ST3GAL3: variants seen among roughly 807,000 people sequenced by gnomAD.
ST3GAL3 encodes the protein CMP-N-acetylneuraminate-beta-1,4-galactoside alpha-2,3-sialyltransferase.
A neutral mutation model predicts 50.1 loss-of-function variants in ST3GAL3; 21 were observed. The ratio of observed to expected loss-of-function variants is 0.42; its 90% CI spans 0.30 to 0.60. The LOEUF (loss-of-function observed/expected upper bound fraction) is 0.60, where lower values mean the gene tolerates loss of function less well. Ranked by LOEUF, ST3GAL3 falls within the 20% of genes least tolerant of loss-of-function variation. ST3GAL3 has a pLI of 0.19. For missense variants in ST3GAL3, 353 were observed against 489.4 expected, an observed-to-expected ratio of 0.72 and a Z score of 2.63; for synonymous variants, 183 against 190.0, an observed-to-expected ratio of 0.96 and a Z score of 0.30.
At chr1:43,868,179 G>A (rs1347397210) in intron 5 of ST3GAL3, among the ~76,000 whole-genome samples, 3 of 152,196 alleles carry the variant, frequency 2.0e-5, no homozygotes, top group Admixed American at 6.5e-5. Context: ...GTATGTGGTC[G>A]TGAAAAATGT....
At chr1:43,895,308 T>C (rs1280331556) in intron 6 of ST3GAL3, among the ~76,000 whole-genome samples, 2 of 152,226 alleles carry the variant, frequency 1.3e-5, no homozygotes, top group South Asian at 2.1e-4. Context: ...TTCCATTGCC[T>C]TGGGGACCTC....
chr1:43,830,589 A>C (rs953993625), intron 4 of ST3GAL3, among the ~76,000 whole-genome samples: 3 of 152,334 alleles, frequency 2.0e-5, no homozygotes, highest in Admixed American at 1.3e-4. Context: ...GGAAATCATG[A>C]TAGTGACCTC....
Position 43,889,234 on chromosome 1 carries a change from G to A in ST3GAL3, c.303-5149G>A, listed in dbSNP as rs951450766. On this transcript the variant is annotated intron_variant, in intron 5 of 11. Transcript: ENST00000347631. Reference sequence around the variant, plus strand: ...CACACACACACACACACACACACACGTTTCATTTATTTACTTATATCAAGA... The same window carrying A: ...CACACACACACACACACACACACACATTTCATTTATTTACTTATATCAAGA... 1.0e-3 allele frequency among the ~76,000 whole-genome samples: 94 copies of A among 91,892 alleles called. 1 individual carries two copies. Among genetic ancestry groups the A allele is most frequent in the Admixed American group, 2.0e-3 (18 of 9,228 alleles). 60.3% of individuals were successfully genotyped at this position (91,892 alleles called of 152,430 possible). A position where few individuals can be genotyped will look rare whatever the true frequency, so the allele number is the denominator to read the frequency against.
intron 5 of ST3GAL3, among the ~76,000 whole-genome samples, chr1:43,868,843 C>A (rs2071956145): frequency 6.6e-6 from 1 of 151,978 alleles, no homozygotes; most frequent in South Asian, 2.1e-4. Flanking sequence ...GAAGAGACAC[C>A]CGAGATGGAA....
intron 9 of ST3GAL3, among the ~76,000 whole-genome samples, chr1:43,917,267 C>G (rs2081964194): frequency 6.7e-6 from 1 of 150,038 alleles, no homozygotes; most frequent in Admixed American, 6.7e-5. Context: ...TGTGCATTTC[C>G]TTGTCATTAG....
At chr1:43,851,285 C>A (rs1358506147) in intron 5 of ST3GAL3, 2 of 1,578,564 alleles carry the variant, frequency 1.3e-6, no homozygotes, top group Non-Finnish European at 1.7e-6. Flanking sequence ...TGTCATGAAC[C>A]CGTGGGTCAG....
At chr1:43,718,482 C>T (rs940620592) in intron 1 of ST3GAL3, among the ~76,000 whole-genome samples, 2 of 151,842 alleles carry the variant, frequency 1.3e-5, no homozygotes, top group Admixed American at 6.6e-5. Context: ...AGCCACTGCG[C>T]CTGTCTATCA....
At position 43,783,031 on chromosome 1, in the gene ST3GAL3, G is replaced by A. The variant is rs187350518; in HGVS notation, c.119-9071G>A. 9.9e-5 allele frequency among the ~76,000 whole-genome samples: 15 copies of A among 150,778 alleles called. No individual in the cohort carries two copies. The East Asian group carries it at 2.7e-3, about 27-fold the overall frequency. ...GCTTTCCTAAAATCTGAACACTTTG[G>A]GATTCTAATACTATCTAGTTTGAGG... On this transcript the variant is annotated intron_variant, in intron 2 of 11. Coordinates refer to ENST00000347631, the MANE Select transcript of ST3GAL3 (RefSeq NM_006279.5).
chr1:43,755,074 T>C (rs1247439057), intron 2 of ST3GAL3, among the ~76,000 whole-genome samples: 1 of 152,214 alleles, frequency 6.6e-6, no homozygotes, highest in East Asian at 1.9e-4. Flanking sequence ...AATGACATCA[T>C]AGACATGGTT....
chr1:43,767,872 C>T (rs1693687497), intron 2 of ST3GAL3, among the ~76,000 whole-genome samples: 1 of 150,786 alleles, frequency 6.6e-6, no homozygotes, highest in Admixed American at 6.6e-5. Context: ...TTGTATGATG[C>T]TACTATAACC....
At chr1:43,765,230 A>G (rs1462200599) in intron 2 of ST3GAL3, among the ~76,000 whole-genome samples, 1 of 152,142 alleles carries the variant, frequency 6.6e-6, no homozygotes, top group African/African-American at 2.4e-5. Flanking sequence ...CCCAGGCCCT[A>G]GGGCCTGGAG....
chr1:43,837,172 G>A (rs1053771151), intron 4 of ST3GAL3, among the ~76,000 whole-genome samples: 1 of 152,140 alleles, frequency 6.6e-6, no homozygotes, highest in South Asian at 2.1e-4. Flanking sequence ...AGCAAGTGCT[G>A]GGGGTAAGTA....
At chr1:43,837,465 G>C (rs1160534448) in intron 4 of ST3GAL3, among the ~76,000 whole-genome samples, 2 of 152,210 alleles carry the variant, frequency 1.3e-5, no homozygotes, top group Admixed American at 6.5e-5. Context: ...ACTGGGGAAT[G>C]GTTCCCACTG....
At chr1:43,864,881 A>G (rs2070910313) in intron 5 of ST3GAL3, among the ~76,000 whole-genome samples, 1 of 152,096 alleles carries the variant, frequency 6.6e-6, no homozygotes, top group Non-Finnish European at 1.5e-5. Flanking sequence ...GAGCACGCTT[A>G]TGGGGCAGCT....
chr1:43,718,909 AAC>A (rs1255782257), intron 1 of ST3GAL3: 1 of 151,912 alleles, frequency 6.6e-6, no homozygotes, highest in Non-Finnish European at 1.5e-5. Context: ...GCTGGTCTCA[AAC>A]CCCTGACATC....
intron 4 of ST3GAL3, among the ~76,000 whole-genome samples, chr1:43,817,637 T>TC (rs2061508679): frequency 1.5e-5 from 2 of 134,246 alleles, no homozygotes; most frequent in African/African-American, 6.0e-5. Context: ...CTTCTCCTCC[T>TC]CCTTCTCCTC....
chr1:43,829,609 A>G (rs1172061122), intron 4 of ST3GAL3, among the ~76,000 whole-genome samples: 1 of 152,100 alleles, frequency 6.6e-6, no homozygotes, highest in Admixed American at 6.6e-5. Context: ...GTACTACTGT[A>G]TTTGCAATTC....
chr1:43,744,655 A>AAAATAAATAAATAAATAAAT (rs71036638), intron 2 of ST3GAL3, among the ~76,000 whole-genome samples: 2,968 of 140,906 alleles, frequency 0.021, 57 homozygotes, highest in African/African-American at 0.038. Flanking sequence ...TCCCTCTCAA[A>AAAATAAATAAATAAATAAAT]AAATAAATAA....
chr1:43,914,195 C>T (rs1332150911), intron 9 of ST3GAL3: 1 of 152,160 alleles, frequency 6.6e-6, no homozygotes, highest in Non-Finnish European at 1.5e-5. Flanking sequence ...ATGGAACAGA[C>T]CAAGAGGGAT....
Sources: allele counts gnomAD v4.1 joint callset (sites outside exome capture counted in the v4.1 genomes callset), GRCh38; gene constraint gnomAD v4.1.1; transcripts MANE v1.5; gene names NCBI Gene and HGNC (gene_info 2026-07-23, HGNC 2026-07-21).